Variants in LAMA3 observed in about 807,000 individuals in gnomAD.
The protein encoded by LAMA3 is laminin subunit alpha-3.
In LAMA3, 281 loss-of-function variants were observed where a neutral mutation model predicts 402.0. That is an observed-to-expected ratio of 0.70 (90% CI 0.63 to 0.77). LAMA3 has a LOEUF of 0.77. LAMA3 is among the 30% of genes least tolerant of loss of function. The probability of loss-of-function intolerance (pLI) is 0.00; values close to 1 mark genes in which losing one functional copy is unlikely to be tolerated. For synonymous variants in LAMA3, 1,431 were observed against 1,558.4 expected (o/e 0.92, Z 1.93); for missense variants, 3,840 against 4,215.5 (o/e 0.91, Z 2.47).
chr18:23,872,926 C>A (rs2064573224), intron 38 of LAMA3: 3 of 1,322,160 alleles, frequency 2.3e-6, no homozygotes, highest in Admixed American at 3.8e-5. Flanking sequence ...AGGTGGGGCC[C>A]CTGCCGCAGA....
chr18:23,721,405 C>T (rs902550914), intron 2 of LAMA3, among the ~76,000 whole-genome samples: 1 of 152,096 alleles, frequency 6.6e-6, no homozygotes, highest in African/African-American at 2.4e-5. Flanking sequence ...AATGTTGCCC[C>T]GTGGGTCATC....
At chr18:23,790,923 C>G (rs2062639188) in intron 12 of LAMA3, among the ~76,000 whole-genome samples, 1 of 150,858 alleles carries the variant, frequency 6.6e-6, no homozygotes, top group Admixed American at 6.6e-5. Flanking sequence ...GAGTCTCGCT[C>G]TGTCACCCAG....
chr18:23,952,600 C>G (rs1023311314), intron 73 of LAMA3, among the ~76,000 whole-genome samples: 3 of 152,192 alleles, frequency 2.0e-5, no homozygotes, highest in Non-Finnish European at 4.4e-5. Flanking sequence ...TTGGCATCAG[C>G]TTTCAGAAGT....
At chr18:23,822,123 G>T in intron 19 of LAMA3, 129 bp from the exon 20 acceptor site, 1 of 914,766 alleles carries the variant, frequency 1.1e-6, no homozygotes. Context: ...GAGTGTGAGT[G>T]TGTATGTGTG....
intron 64 of LAMA3, among the ~76,000 whole-genome samples, chr18:23,929,800 C>G (rs1432365772): frequency 2.6e-5 from 4 of 152,308 alleles, no homozygotes; most frequent in South Asian, 2.1e-4. Context: ...TGATCTAGCT[C>G]TTATGATACC....
chr18:23,739,114 C>T (rs139061388), intron 2 of LAMA3, among the ~76,000 whole-genome samples: 100 of 152,356 alleles, frequency 6.6e-4, no homozygotes, highest in African/African-American at 2.3e-3. Flanking sequence ...AATCCTGGAA[C>T]TGTGACCTTC....
intron 32 of LAMA3, among the ~76,000 whole-genome samples, chr18:23,851,407 C>A (rs538870229): frequency 6.6e-6 from 1 of 152,160 alleles, no homozygotes; most frequent in African/African-American, 2.4e-5. Context: ...GTGTGAGTTG[C>A]GTCCTGTCTC....
rs1234498588 is a variant in LAMA3, at chr18:23,813,076, C to G, written c.1761C>G (p.Asp587Glu). ...ATTCAGGTTCCAGCAGTGCTTGTGACCCAGCTGGTACCATCAACTCCAATT... is the reference window on the plus strand; with the variant it reads ...ATTCAGGTTCCAGCAGTGCTTGTGAGCCAGCTGGTACCATCAACTCCAATT... Reference protein sequence around the residue: ...PHCQGSSSACDPAGTINSNLG... With the variant: ...PHCQGSSSACEPAGTINSNLG... The change falls in exon 14 of 75, where the codon GAC becomes GAG. Residue 587 changes from aspartate (D) to glutamate (E), a missense_variant. Physicochemically the swap from Asp to Glu is conservative, Grantham distance 45. Coordinates refer to ENST00000313654, the MANE Select transcript of LAMA3 (RefSeq NM_198129.4). The G allele has an allele frequency of 6.2e-7, 1 of 1,609,808 alleles. No individual in the cohort carries two copies. Among genetic ancestry groups the G allele is most frequent in the African/African-American group, 1.3e-5 (1 of 74,966 alleles).
chr18:23,819,737 G>A (rs2063246689), intron 18 of LAMA3, 104 bp from the exon 19 acceptor site: 4 of 979,236 alleles, frequency 4.1e-6, no homozygotes, highest in South Asian at 3.9e-5. Context: ...AATGTACTCT[G>A]TCAATGTGGT....
chr18:23,928,378 T>G, intron 63 of LAMA3, 138 bp downstream of exon 63: 1 of 751,708 alleles, frequency 1.3e-6, no homozygotes, highest in South Asian at 1.5e-5. Context: ...ACTCCCCATG[T>G]GCTTGCAAGA....
intron 2 of LAMA3, among the ~76,000 whole-genome samples, chr18:23,737,070 C>T (rs866704787): frequency 2.6e-5 from 4 of 151,932 alleles, no homozygotes; most frequent in Non-Finnish European, 5.9e-5. Context: ...GGATATGTTG[C>T]CCCCAGGCTC....
At chr18:23,913,444 AGT>A (rs1324266859) in intron 56 of LAMA3, among the ~76,000 whole-genome samples, 1 of 152,186 alleles carries the variant, frequency 6.6e-6, no homozygotes, top group African/African-American at 2.4e-5. Context: ...TACTACTATC[AGT>A]GTAAATTCAC....
chr18:23,915,401 C>G lies in LAMA3; in HGVS notation c.7757C>G (p.Thr2586Ser). ...NFKKTFNLNT[T>S]EVEPCRRRKE... ...AAAAAAACATTCAATCTCAACACAA[C>G]TGAAGTGGAGCCTTGTAGAAGGTAA... The change falls in exon 59 of 75, where the codon ACT becomes AGT. Residue 2586 changes from threonine to serine, a missense_variant. Physicochemically the swap from Thr to Ser is moderately conservative, Grantham distance 58. Around this residue, in one of 3 missense-constraint regions of LAMA3, gnomAD observed 840 missense variants for 981.9 expected, o/e 0.86. Transcript: ENST00000313654. 6.2e-7 allele frequency: 1 copy of G among 1,613,838 alleles called. No individual in the cohort carries two copies.
At chr18:23,861,403 T>A (rs371691477) in intron 34 of LAMA3, among the ~76,000 whole-genome samples, 3 of 152,220 alleles carry the variant, frequency 2.0e-5, no homozygotes, top group Admixed American at 6.5e-5. Context: ...AGAACAATGA[T>A]GTGTGCTGGG....
intron 12 of LAMA3, chr18:23,796,273 G>T: frequency 4.8e-6 from 1 of 208,610 alleles, no homozygotes. Context: ...TGGACCACAT[G>T]CCAGTTCTGG....
intron 11 of LAMA3, among the ~76,000 whole-genome samples, chr18:23,778,805 C>T (rs1317847201): frequency 6.6e-6 from 1 of 152,168 alleles, no homozygotes; most frequent in Non-Finnish European, 1.5e-5. Context: ...ACGGTGTGGG[C>T]CAGCAGAGAA....
chr18:23,763,819 T>G (rs1422725051), intron 8 of LAMA3, among the ~76,000 whole-genome samples: 1 of 152,176 alleles, frequency 6.6e-6, no homozygotes, highest in Non-Finnish European at 1.5e-5. Context: ...CAACTTGTGA[T>G]AGAAAAACTC....
At chr18:23,919,600 T>C (rs1319949157) in intron 60 of LAMA3, among the ~76,000 whole-genome samples, 1 of 152,052 alleles carries the variant, frequency 6.6e-6, no homozygotes, top group Non-Finnish European at 1.5e-5. Context: ...TCCTCTGAGA[T>C]CAGGAGGACA....
Position 23,914,392 on chromosome 18 carries a change from G to A in LAMA3, c.7330-18G>A, listed in dbSNP as rs754857400. 6.2e-7 allele frequency: 1 copy of A among 1,614,052 alleles called. No homozygotes were observed. The highest frequency in any genetic ancestry group is 8.5e-7 in the Non-Finnish European group (1 of 1,179,946). Reference sequence around the variant, plus strand: ...AAACCACAATGTGAAGTGTTCTGAGGTGGCCCTTTGTCTCCAGGCCTCCCG... The same window carrying A: ...AAACCACAATGTGAAGTGTTCTGAGATGGCCCTTTGTCTCCAGGCCTCCCG... On this transcript the variant is annotated intron_variant, in intron 56 of 74. Coordinates refer to ENST00000313654, the MANE Select transcript of LAMA3 (RefSeq NM_198129.4).
Sources: gnomAD v4.1 joint callset for allele counts (sites outside exome capture counted in the v4.1 genomes callset) on GRCh38, gnomAD v4.1.1 for gene constraint, gnomAD v4.1.1 regional missense constraint, MANE v1.5 for transcripts, NCBI Gene and HGNC (gene_info 2026-07-23, HGNC 2026-07-21) for gene names.